AHCYL2: variants seen among roughly 807,000 people sequenced by gnomAD.
AHCYL2 encodes S-adenosylhomocysteine hydrolase-like protein 2.
AHCYL2 carries 28 observed loss-of-function variants against 81.4 expected under a neutral mutation model. The observed-to-expected ratio is 0.34, with a 90% CI of 0.25 to 0.47. The LOEUF is 0.47. Ranked by LOEUF, AHCYL2 falls within the 20% of genes least tolerant of loss-of-function variation. The pLI is 1.00. For synonymous variants in AHCYL2, 272 were observed against 290.2 expected (o/e 0.94, Z 0.64); for missense variants, 551 against 785.1 (o/e 0.70, Z 3.56).
intron 1 of AHCYL2, among the ~76,000 whole-genome samples, chr7:129,322,415 C>T (rs1293557836): frequency 1.3e-5 from 2 of 148,868 alleles, no homozygotes; most frequent in Admixed American, 6.6e-5. Flanking sequence ...GCTGGGATTA[C>T]AGGCGCACTG....
intron 1 of AHCYL2, among the ~76,000 whole-genome samples, chr7:129,310,742 TGAA>T (rs1797626536): frequency 6.6e-6 from 1 of 152,010 alleles, no homozygotes; most frequent in Non-Finnish European, 1.5e-5. Context: ...ATATTGACTG[TGAA>T]GAATAAGGGA....
At position 129,426,987 on chromosome 7, in the gene AHCYL2, G is replaced by C. The variant is rs1797393006; in HGVS notation, c.1830-52G>C. The C allele has an allele frequency of 1.3e-6, 2 of 1,591,140 alleles. No individual in the cohort carries two copies. The highest frequency in any genetic ancestry group is 8.6e-7 in the Non-Finnish European group (1 of 1,160,692). ...CTTTAGGCAGGCTCTTCATGTCCCA[G>C]CATCCCCATTAGCTGATAACATCAC... On this transcript the variant is annotated intron_variant, in intron 16 of 16. Coordinates refer to ENST00000325006, the MANE Select transcript of AHCYL2 (RefSeq NM_015328.4). This position sits in a 1 kb window ranked among gnomAD's most constrained non-coding sequence, Gnocchi z 4.3.
At chr7:129,233,996 C>T (rs990791772) in intron 1 of AHCYL2, among the ~76,000 whole-genome samples, 2 of 151,930 alleles carry the variant, frequency 1.3e-5, no homozygotes, top group Non-Finnish European at 2.9e-5. Context: ...TCTCCCCCTC[C>T]CCCCTTCCTC....
chr7:129,236,245 G>C (rs531961721), intron 1 of AHCYL2, among the ~76,000 whole-genome samples: 8 of 151,350 alleles, frequency 5.3e-5, no homozygotes, highest in Non-Finnish European at 1.2e-4. Context: ...CTGTTGTCCA[G>C]GCTGGAGTAC....
At chr7:129,348,872 A>C (rs946036977) in intron 1 of AHCYL2, among the ~76,000 whole-genome samples, 5 of 152,158 alleles carry the variant, frequency 3.3e-5, no homozygotes, top group African/African-American at 4.8e-5. Flanking sequence ...GATTCTAGAG[A>C]GAAGAGGGTC....
intron 1 of AHCYL2, among the ~76,000 whole-genome samples, chr7:129,245,797 T>C (rs1015262417): frequency 1.3e-5 from 2 of 152,210 alleles, no homozygotes; most frequent in Non-Finnish European, 2.9e-5. Context: ...TTGTGAATAA[T>C]GCTTCTATGA....
intron 1 of AHCYL2, among the ~76,000 whole-genome samples, chr7:129,231,176 G>A (rs1306484209): frequency 2.0e-5 from 3 of 151,946 alleles, no homozygotes; most frequent in African/African-American, 7.3e-5. Context: ...GGAAGTGGAG[G>A]TTGCAGTGAG....
At chr7:129,316,826 C>G (rs1225519870) in intron 1 of AHCYL2, among the ~76,000 whole-genome samples, 2 of 144,112 alleles carry the variant, frequency 1.4e-5, no homozygotes, top group Non-Finnish European at 3.1e-5. Flanking sequence ...AAATGTAAAA[C>G]AACAACAACA....
chr7:129,262,725 A>G (rs757144156), intron 1 of AHCYL2, among the ~76,000 whole-genome samples: 35 of 152,298 alleles, frequency 2.3e-4, no homozygotes, highest in Non-Finnish European at 4.4e-4. Flanking sequence ...TCACTTGGTC[A>G]TGGCTGGGAA....
chr7:129,244,349 A>G (rs1794973826), intron 1 of AHCYL2, among the ~76,000 whole-genome samples: 1 of 152,028 alleles, frequency 6.6e-6, no homozygotes, highest in African/African-American at 2.4e-5. Context: ...ATATGTTTCC[A>G]TATGGACAAC....
chr7:129,368,315 T>C lies in AHCYL2; in HGVS notation c.364-11323T>C. 6.9e-7 allele frequency: 1 copy of C among 1,438,934 alleles called. No individual in the cohort carries two copies. The highest frequency in any genetic ancestry group is 2.5e-5 in the East Asian group (1 of 39,598). 89.1% of individuals were successfully genotyped at this position (1,438,934 alleles called of 1,614,324 possible). ...GGCCAGTAAGGGGTTGTCAGGCAGT[T>C]GACTAATGCTCTTGATTTGAATCGG... On this transcript the variant is annotated intron_variant, in intron 1 of 16. Transcript: ENST00000325006. The surrounding 1 kb of genome is among the most constrained non-coding windows in gnomAD (Gnocchi z 4.4).
intron 2 of AHCYL2, among the ~76,000 whole-genome samples, chr7:129,383,138 A>C (rs942937261): frequency 1.3e-5 from 2 of 149,894 alleles, no homozygotes; most frequent in Non-Finnish European, 3.0e-5. Flanking sequence ...CTTTCACTTG[A>C]ATGTTTTATA....
chr7:129,267,230 G>GGGGT (rs1554472001), intron 1 of AHCYL2, among the ~76,000 whole-genome samples: 37 of 59,160 alleles, frequency 6.3e-4, no homozygotes, highest in African/African-American at 1.6e-3. Context: ...TCACTCAAGG[G>GGGGT]GTGTGTGTGT....
intron 1 of AHCYL2, among the ~76,000 whole-genome samples, chr7:129,303,135 C>T (rs373470740): frequency 2.2e-4 from 34 of 152,094 alleles, no homozygotes; most frequent in East Asian, 1.7e-3. Context: ...CAAGTAGCTG[C>T]GATTATAGGC....
intron 1 of AHCYL2, among the ~76,000 whole-genome samples, chr7:129,345,233 T>C (rs1477337581): frequency 1.3e-5 from 2 of 152,224 alleles, no homozygotes; most frequent in East Asian, 1.9e-4. Context: ...GGAGAGAGTT[T>C]ACATCAGACA....
chr7:129,426,420 A>G lies in AHCYL2; in HGVS notation c.1709-23A>G. ...GATAAAAGGCATGAATGCTTATACC[A>G]GGGCTTCTGTGGTCTGTTCCAGATG... On this transcript the variant is annotated intron_variant, in intron 15 of 16. Transcript: ENST00000325006. This position sits in a 1 kb window ranked among gnomAD's most constrained non-coding sequence, Gnocchi z 4.3. 1.2e-6 allele frequency: 2 copies of G among 1,614,070 alleles called. No homozygotes were observed. The highest frequency in any genetic ancestry group is 1.7e-6 in the Non-Finnish European group (2 of 1,179,942).
chr7:129,301,626 C>T (rs920048586), intron 1 of AHCYL2, among the ~76,000 whole-genome samples: 2 of 151,998 alleles, frequency 1.3e-5, no homozygotes, highest in African/African-American at 4.8e-5. Context: ...CTGTTCTTTC[C>T]CCAATGTATA....
chr7:129,241,025 C>T (rs1219921604), intron 1 of AHCYL2, among the ~76,000 whole-genome samples: 1 of 151,824 alleles, frequency 6.6e-6, no homozygotes, highest in Non-Finnish European at 1.5e-5. Flanking sequence ...CAGGGGATGG[C>T]GCTTTGGATT....
At chr7:129,254,142 G>A (rs1013096267) in intron 1 of AHCYL2, among the ~76,000 whole-genome samples, 1 of 152,148 alleles carries the variant, frequency 6.6e-6, no homozygotes, top group African/African-American at 2.4e-5. Context: ...GTTAGAACTG[G>A]ATTCATAGTG....
Sources: allele counts gnomAD v4.1 joint callset (sites outside exome capture counted in the v4.1 genomes callset), GRCh38; gene constraint gnomAD v4.1.1; non-coding constraint Gnocchi (gnomAD v3.1); transcripts MANE v1.5; gene names NCBI Gene and HGNC (gene_info 2026-07-23, HGNC 2026-07-21).